CDC42SE2: variants seen among roughly 807,000 people sequenced by gnomAD.
CDC42SE2 encodes CDC42 small effector protein 2.
CDC42SE2 carries 3 observed loss-of-function variants against 11.5 expected under a neutral mutation model. The observed-to-expected ratio is 0.26, with a 90% CI of 0.12 to 0.67. The LOEUF (loss-of-function observed/expected upper bound fraction) is 0.67, where lower values mean the gene tolerates loss of function less well. Ranked by LOEUF, CDC42SE2 falls within the 30% of genes least tolerant of loss-of-function variation. The pLI, the probability that CDC42SE2 is intolerant of heterozygous loss-of-function variation, is 0.80. For synonymous variants in CDC42SE2, 33 were observed against 34.8 expected, an observed-to-expected ratio of 0.95 and a Z score of 0.18; for missense variants, 82 against 106.8, an observed-to-expected ratio of 0.77 and a Z score of 1.02.
Position 131,358,222 on chromosome 5 carries a change from T to G in CDC42SE2, c.-285-987T>G, listed in dbSNP as rs147865891. Reference sequence around the variant, plus strand: ...CAAACTGTCTATTGGACATCTTAACTTGACTATTGTAGTAGTCTGCAAGTG... The same window carrying G: ...CAAACTGTCTATTGGACATCTTAACGTGACTATTGTAGTAGTCTGCAAGTG... On this transcript the variant is annotated intron_variant, in intron 2 of 4. Coordinates refer to ENST00000505065, the MANE Select transcript of CDC42SE2 (RefSeq NM_001375635.1). 4.1e-3 allele frequency among the ~76,000 whole-genome samples: 627 copies of G among 152,308 alleles called. 4 individuals carry two copies. Among genetic ancestry groups the G allele is most frequent in the African/African-American group, 0.013 (543 of 41,586 alleles).
chr5:131,384,794 A>AAG (rs778173384), intron 3 of CDC42SE2, among the ~76,000 whole-genome samples: 4 of 151,858 alleles, frequency 2.6e-5, no homozygotes, highest in African/African-American at 4.8e-5. Context: ...AAAAATTAGG[A>AAG]AGAGTCAGCC....
At chr5:131,256,524 A>C (rs532173157) in intron 2 of CDC42SE2, among the ~76,000 whole-genome samples, 6 of 152,356 alleles carry the variant, frequency 3.9e-5, no homozygotes, top group African/African-American at 1.4e-4. Context: ...CAGCATGGCC[A>C]GGTTCTCTGC....
At chr5:131,283,384 TG>T (rs1469562488) in intron 1 of CDC42SE2, among the ~76,000 whole-genome samples, 1 of 152,252 alleles carries the variant, frequency 6.6e-6, no homozygotes, top group Non-Finnish European at 1.5e-5. Flanking sequence ...TTTGCCTCTT[TG>T]GACATTTAAT....
At position 131,284,089 on chromosome 5, in the gene CDC42SE2, G is replaced by T. The variant is rs192135011; in HGVS notation, c.-455+19923G>T. Among the ~76,000 whole-genome samples, 242 of 152,306 alleles carry T rather than the reference G, an allele frequency of 1.6e-3. 1 individual carries two copies. Among genetic ancestry groups the T allele is most frequent in the Non-Finnish European group, 2.8e-3 (193 of 68,032 alleles). On this transcript the variant is annotated intron_variant, in intron 1 of 4. Coordinates refer to ENST00000505065, the MANE Select transcript of CDC42SE2 (RefSeq NM_001375635.1). ...ATAGTTTTACGTTTCCATCAGCCGTGTAGGAAATATGTGGCCTTTTGTAAT... is the reference window on the plus strand; with the variant it reads ...ATAGTTTTACGTTTCCATCAGCCGTTTAGGAAATATGTGGCCTTTTGTAAT...
At chr5:131,311,712 C>A (rs1757919059) in intron 1 of CDC42SE2, among the ~76,000 whole-genome samples, 1 of 152,172 alleles carries the variant, frequency 6.6e-6, no homozygotes, top group South Asian at 2.1e-4. Flanking sequence ...ATCGCTGATA[C>A]CCTTTCTTCC....
chr5:131,385,273 A>C (rs1750447470), intron 3 of CDC42SE2, among the ~76,000 whole-genome samples: 1 of 152,218 alleles, frequency 6.6e-6, no homozygotes, highest in South Asian at 2.1e-4. Flanking sequence ...AAAAGAATAA[A>C]ACTTAAGCAG....
chr5:131,318,353 A>G lies in CDC42SE2; in HGVS notation c.-286+2209A>G, dbSNP rs903910197. Reference sequence around the variant, plus strand: ...CAGGAAATTTAAATCATTAAGGTCAACTTTAATGTGCTGTATTTCATATAT... The same window carrying G: ...CAGGAAATTTAAATCATTAAGGTCAGCTTTAATGTGCTGTATTTCATATAT... On this transcript the variant is annotated intron_variant, in intron 2 of 4. Coordinates refer to ENST00000505065, the MANE Select transcript of CDC42SE2 (RefSeq NM_001375635.1). Among the ~76,000 whole-genome samples, 6 of 152,180 alleles carry G rather than the reference A, an allele frequency of 3.9e-5. No individual in the cohort carries two copies. In the East Asian group the frequency reaches 9.6e-4, roughly 24 times the overall value.
At chr5:131,310,983 T>G (rs1241883254) in intron 1 of CDC42SE2, among the ~76,000 whole-genome samples, 1 of 151,370 alleles carries the variant, frequency 6.6e-6, no homozygotes, top group Non-Finnish European at 1.5e-5. Context: ...ATCCTGTCAT[T>G]ATGATGTTAG....
At chr5:131,347,429 C>T (rs1264923979) in intron 2 of CDC42SE2, among the ~76,000 whole-genome samples, 1 of 152,172 alleles carries the variant, frequency 6.6e-6, no homozygotes, top group Non-Finnish European at 1.5e-5. Context: ...GACACATACA[C>T]TCTCCCAAGA....
At chr5:131,307,137 A>C (rs936844677) in intron 1 of CDC42SE2, among the ~76,000 whole-genome samples, 1 of 151,712 alleles carries the variant, frequency 6.6e-6, no homozygotes, top group Non-Finnish European at 1.5e-5. Flanking sequence ...ACATATGTAT[A>C]CATGTGCCAT....
At chr5:131,229,070 A>G in the CDC42SE2 span, among the ~76,000 whole-genome samples, 2 of 152,176 alleles carry the variant, frequency 1.3e-5, no homozygotes, top group Non-Finnish European at 2.9e-5. Context: ...CCAGAATGCT[A>G]CTGTGTGGAG....
intron 2 of CDC42SE2, among the ~76,000 whole-genome samples, chr5:131,353,082 C>T (rs1749397526): frequency 6.6e-6 from 1 of 152,056 alleles, no homozygotes; most frequent in Non-Finnish European, 1.5e-5. Context: ...CCTCCAAACT[C>T]AGCCTTCCAA....
intron 1 of CDC42SE2, among the ~76,000 whole-genome samples, chr5:131,311,476 C>G (rs973981256): frequency 1.2e-4 from 18 of 151,504 alleles, no homozygotes; most frequent in African/African-American, 3.4e-4. Context: ...TTTCCTGAAT[C>G]TGAACGTTGG....
intron 1 of CDC42SE2, among the ~76,000 whole-genome samples, chr5:131,272,779 G>C (rs936991968): frequency 1.7e-4 from 26 of 152,240 alleles, no homozygotes; most frequent in Middle Eastern, 6.8e-3. Context: ...TCCCTGTCTT[G>C]TTTGGATCCA....
At chr5:131,323,319 C>T (rs1287925576) in intron 2 of CDC42SE2, among the ~76,000 whole-genome samples, 1 of 151,812 alleles carries the variant, frequency 6.6e-6, no homozygotes, top group African/African-American at 2.4e-5. Flanking sequence ...CCACTGTGCC[C>T]GACCCCCAAT....
At chr5:131,297,425 G>A (rs1452383714) in intron 1 of CDC42SE2, among the ~76,000 whole-genome samples, 1 of 151,946 alleles carries the variant, frequency 6.6e-6, no homozygotes, top group Non-Finnish European at 1.5e-5. Context: ...CTTTTTAAAA[G>A]TTACTGCATC....
rs187275721 is a variant in CDC42SE2, at chr5:131,246,331, C to T, written n.107+732C>T. Reference sequence around the variant, plus strand: ...ATTAGCTGGGAGTGGTGGTGGGCACCTGTAATCCCAGCTACTCAGAAGGCT... The same window carrying T: ...ATTAGCTGGGAGTGGTGGTGGGCACTTGTAATCCCAGCTACTCAGAAGGCT... On this transcript the variant is annotated intron_variant and non_coding_transcript_variant, in intron 1 of 3. Transcript: ENST00000502840. Among the ~76,000 whole-genome samples the T allele has an allele frequency of 1.8e-3, 278 of 152,180 alleles. 1 individual carries two copies. The highest frequency in any genetic ancestry group is 3.5e-4 in the Non-Finnish European group (24 of 67,988).
intron 1 of CDC42SE2, among the ~76,000 whole-genome samples, chr5:131,293,897 T>TA (rs1284963835): frequency 2.0e-5 from 3 of 152,176 alleles, no homozygotes; most frequent in Non-Finnish European, 2.9e-5. Context: ...TGACGCAACT[T>TA]ACTGCGTGTC....
intron 1 of CDC42SE2, among the ~76,000 whole-genome samples, chr5:131,302,821 C>T (rs1215855573): frequency 2.7e-5 from 4 of 149,512 alleles, no homozygotes; most frequent in Non-Finnish European, 3.0e-5. Context: ...TGCCTCATGA[C>T]TCTTTTTTTT....
Sources: gnomAD v4.1 joint callset for allele counts (sites outside exome capture counted in the v4.1 genomes callset) on GRCh38, gnomAD v4.1.1 for gene constraint, MANE v1.5 for transcripts, NCBI Gene and HGNC (gene_info 2026-07-23, HGNC 2026-07-21) for gene names.